The following SRPK1 variants were observed in gnomAD, a reference collection of about 807,000 sequenced individuals.
SRPK1 encodes SFRS protein kinase 1.
A neutral mutation model predicts 89.5 loss-of-function variants in SRPK1; 52 were observed. That is an observed-to-expected ratio of 0.58 (90% CI 0.46 to 0.73). The LOEUF (loss-of-function observed/expected upper bound fraction) is 0.73, where lower values mean the gene tolerates loss of function less well. Among genes scored for constraint, SRPK1 ranks in the 30% least tolerant of loss-of-function variants. The pLI, the probability that SRPK1 is intolerant of heterozygous loss-of-function variation, is 0.00. For synonymous variants in SRPK1, 255 were observed against 270.2 expected (o/e 0.94, Z 0.55); for missense variants, 603 against 780.6 (o/e 0.77, Z 2.71).
At chr6:35,915,269 T>C (rs901312872) in intron 2 of SRPK1, among the ~76,000 whole-genome samples, 1 of 151,722 alleles carries the variant, frequency 6.6e-6, no homozygotes. Context: ...TAGCCAGGCA[T>C]GGTGGCGGGC....
chr6:35,864,437 C>T (rs1305713615), intron 12 of SRPK1, among the ~76,000 whole-genome samples: 1 of 151,960 alleles, frequency 6.6e-6, no homozygotes, highest in African/African-American at 2.4e-5. Context: ...GGCAAAGAGG[C>T]ATATGAAAAG....
chr6:35,841,134 C>A (rs1352444338), intron 14 of SRPK1, among the ~76,000 whole-genome samples: 2 of 152,048 alleles, frequency 1.3e-5, no homozygotes, highest in Non-Finnish European at 2.9e-5. Flanking sequence ...AAGCCTATAA[C>A]CCTAAACCTA....
chr6:35,911,557 T>C (rs564905966), intron 2 of SRPK1, among the ~76,000 whole-genome samples: 11 of 151,806 alleles, frequency 7.2e-5, no homozygotes, highest in African/African-American at 2.2e-4. Flanking sequence ...TCAAAATAAC[T>C]GATTAGTTTA....
chr6:35,853,306 G>A (rs1769595955), intron 13 of SRPK1, among the ~76,000 whole-genome samples: 1 of 151,674 alleles, frequency 6.6e-6, no homozygotes, highest in South Asian at 2.1e-4. Context: ...ACAAAAAAAA[G>A]AAGTTAAAAA....
chr6:35,909,492 C>G (rs191059144), intron 2 of SRPK1, among the ~76,000 whole-genome samples: 19 of 152,224 alleles, frequency 1.2e-4, no homozygotes, highest in Admixed American at 1.2e-3. Flanking sequence ...GGACTTGGGA[C>G]TCTTGAGTTA....
At position 35,869,909 on chromosome 6, in the gene SRPK1, A is replaced by G; in HGVS notation, c.992-8T>C. On this transcript the variant is annotated splice_region_variant and splice_polypyrimidine_tract_variant and intron_variant, in intron 10 of 15. Transcript: ENST00000373825. ...CAATGGTACTTGACTCTTCTAAGGA[A>G]CAAACGAACAAAAAAAGATATATGC... 1 of 1,533,928 alleles carries G rather than the reference A, an allele frequency of 6.5e-7. No homozygotes were observed. The highest frequency in any genetic ancestry group is 8.7e-7 in the Non-Finnish European group (1 of 1,144,914).
At chr6:35,881,477 A>C (rs1452398865) in intron 6 of SRPK1, among the ~76,000 whole-genome samples, 3 of 128,038 alleles carry the variant, frequency 2.3e-5, no homozygotes, top group African/African-American at 8.8e-5. Context: ...AGATATAGAT[A>C]TAGATCCAAC....
intron 12 of SRPK1, among the ~76,000 whole-genome samples, chr6:35,860,689 T>C (rs1769762643): frequency 6.6e-6 from 1 of 152,172 alleles, no homozygotes; most frequent in Non-Finnish European, 1.5e-5. Flanking sequence ...ATGATGTACA[T>C]TCTAGTGAGA....
Position 35,857,301 on chromosome 6 carries a change from C to T in SRPK1, c.1580G>A (p.Gly527Asp). Residue 527 changes from glycine (G) to aspartate (D), a missense_variant, in exon 13 of 16, where the codon GGC becomes GAC. Transcript: ENST00000373825. The stretch of plus-strand genomic sequence containing the variant: ...CCAAATGTCAGCAGGGGTATTATAG[C>T]CAGATCCGATTAGAACTTCCAAGGA... ...YRSLEVLIGS[G>D]YNTPADIWST... 1 of 1,613,216 alleles carries T rather than the reference C, an allele frequency of 6.2e-7. No homozygotes were observed. Among genetic ancestry groups the T allele is most frequent in the Non-Finnish European group, 8.5e-7 (1 of 1,179,616 alleles).
intron 10 of SRPK1, 144 bp from the exon 11 acceptor site, chr6:35,870,045 G>A: frequency 9.6e-7 from 1 of 1,040,448 alleles, no homozygotes; most frequent in East Asian, 2.5e-5. Flanking sequence ...CCTATTTCCG[G>A]AAGGGCCAAG....
intron 13 of SRPK1, among the ~76,000 whole-genome samples, chr6:35,851,705 G>A (rs1276969766): frequency 6.6e-6 from 1 of 152,122 alleles, no homozygotes; most frequent in Non-Finnish European, 1.5e-5. Flanking sequence ...AAATGGAGTC[G>A]TCAAGCAGAC....
intron 2 of SRPK1, among the ~76,000 whole-genome samples, chr6:35,897,087 G>C (rs1182546570): frequency 6.6e-6 from 1 of 152,182 alleles, no homozygotes; most frequent in East Asian, 1.9e-4. Flanking sequence ...CTACTAATGG[G>C]TTTGGAGTTT....
intron 2 of SRPK1, among the ~76,000 whole-genome samples, chr6:35,919,848 G>T (rs976659342): frequency 2.6e-5 from 4 of 152,198 alleles, no homozygotes; most frequent in Non-Finnish European, 5.9e-5. Context: ...TCTGCATCTG[G>T]TTGAGGTTTA....
At chr6:35,891,748 C>A (rs1336061932) in intron 2 of SRPK1, among the ~76,000 whole-genome samples, 2 of 148,846 alleles carry the variant, frequency 1.3e-5, no homozygotes, top group Non-Finnish European at 3.0e-5. Context: ...AAAAAAAAAT[C>A]TTAACATGCT....
At chr6:35,838,653 G>A in intron 14 of SRPK1, 1 of 1,536,318 alleles carries the variant, frequency 6.5e-7, no homozygotes, top group Non-Finnish European at 8.8e-7. Flanking sequence ...AACAATCTTG[G>A]TGTGAATGCT....
intron 12 of SRPK1, among the ~76,000 whole-genome samples, chr6:35,863,689 A>G (rs535785764): frequency 1.4e-4 from 22 of 152,142 alleles, no homozygotes; most frequent in African/African-American, 4.3e-4. Flanking sequence ...ATTTCAAAAA[A>G]AAGCTGAGGG....
At chr6:35,916,117 G>A (rs1017417629) in intron 2 of SRPK1, among the ~76,000 whole-genome samples, 2 of 149,452 alleles carry the variant, frequency 1.3e-5, no homozygotes, top group African/African-American at 2.5e-5. Context: ...CCAGCTACTC[G>A]AGAAACTGAG....
chr6:35,920,673 G>C (rs1306586427), intron 1 of SRPK1, 145 bp from the exon 2 acceptor site: 1 of 418,418 alleles, frequency 2.4e-6, no homozygotes, highest in Non-Finnish European at 3.5e-6. Context: ...GGCCGGCCGT[G>C]GGGCTGGCGG....
In SRPK1 at chr6:35,882,704, T is replaced by C. The variant is rs182072534; in HGVS notation, c.478+4020A>G. ...ATCAGGAGGTACAGACAAAACAAGA[T>C]TGGCTATAAGTTGATAACTCCTGAA... On this transcript the variant is annotated intron_variant, in intron 6 of 15. Coordinates refer to ENST00000373825, the MANE Select transcript of SRPK1 (RefSeq NM_003137.5). Among the ~76,000 whole-genome samples, 428 of 152,272 alleles carry C rather than the reference T, an allele frequency of 2.8e-3. 1 individual carries two copies. Among genetic ancestry groups the C allele is most frequent in the African/African-American group, 9.7e-3 (405 of 41,560 alleles).
Sources: allele counts gnomAD v4.1 joint callset (sites outside exome capture counted in the v4.1 genomes callset), GRCh38; gene constraint gnomAD v4.1.1; transcripts MANE v1.5; gene names NCBI Gene and HGNC (gene_info 2026-07-23, HGNC 2026-07-21).